TRAPPC12: variants seen among roughly 807,000 people sequenced by gnomAD.
TRAPPC12 encodes the protein TPR repeat protein 15.
A neutral mutation model predicts 69.2 loss-of-function variants in TRAPPC12; 61 were observed. That is an observed-to-expected ratio of 0.88 (90% CI 0.72 to 1.09). The LOEUF (loss-of-function observed/expected upper bound fraction) is 1.09. Ranked by LOEUF, TRAPPC12 falls within the 50% of genes least tolerant of loss-of-function variation. TRAPPC12 has a pLI of 0.00. For synonymous variants in TRAPPC12, 469 were observed against 438.9 expected, an observed-to-expected ratio of 1.07 and a Z score of -0.86; for missense variants, 1,101 against 1,016.4, an observed-to-expected ratio of 1.08 and a Z score of -1.13.
chr2:3,469,399 G>T (rs1665964697), intron 9 of TRAPPC12, among the ~76,000 whole-genome samples: 1 of 152,236 alleles, frequency 6.6e-6, no homozygotes, highest in African/African-American at 2.4e-5. Context: ...AAATAATACT[G>T]CAGGTGCTTA....
rs750614013 is a variant in TRAPPC12 at position 3,428,809 on chromosome 2, G to A, written c.1417+4146G>A. On this transcript the variant is annotated intron_variant, in intron 5 of 11. Coordinates refer to ENST00000324266, the MANE Select transcript of TRAPPC12 (RefSeq NM_016030.6). Reference sequence around the variant, plus strand: ...GGGGCCGACCCAGCCCCGCGCCCCCGGAGCTGAGGTCTGTGCGGTTCTGGG... The same window carrying A: ...GGGGCCGACCCAGCCCCGCGCCCCCAGAGCTGAGGTCTGTGCGGTTCTGGG... Among the ~76,000 whole-genome samples the A allele has an allele frequency of 3.3e-4, 50 of 152,234 alleles. 1 individual carries two copies. Among genetic ancestry groups the A allele is most frequent in the Admixed American group, 1.6e-3 (25 of 15,304 alleles).
intron 5 of TRAPPC12, among the ~76,000 whole-genome samples, chr2:3,437,014 A>C (rs1385826514): frequency 3.5e-5 from 1 of 28,552 alleles, no homozygotes. Flanking sequence ...CTGGATTAAT[A>C]CCCCATCACC....
At chr2:3,434,454 T>C (rs1401741703) in intron 5 of TRAPPC12, among the ~76,000 whole-genome samples, 2 of 152,264 alleles carry the variant, frequency 1.3e-5, no homozygotes, top group African/African-American at 4.8e-5. Flanking sequence ...ATTTTTAACC[T>C]GTGCAAGACT....
chr2:3,449,206 G>C (rs1284874278), intron 6 of TRAPPC12: 2 of 152,360 alleles, frequency 1.3e-5, no homozygotes, highest in African/African-American at 4.8e-5. Flanking sequence ...CTCTGGGGTC[G>C]AGAGAGCTTC....
chr2:3,469,956 T>C (rs12993215), intron 9 of TRAPPC12, among the ~76,000 whole-genome samples: 62,843 of 152,124 alleles, frequency 0.41, 13,228 homozygotes, highest in African/African-American at 0.48. Flanking sequence ...CTTATGTGCA[T>C]GGAGATACAA....
At chr2:3,416,458 TC>T (rs1379786731) in intron 3 of TRAPPC12, among the ~76,000 whole-genome samples, 3 of 151,882 alleles carry the variant, frequency 2.0e-5, no homozygotes, top group Non-Finnish European at 4.4e-5. Flanking sequence ...CCAGGCCACT[TC>T]CTAGGCACAC....
Position 3,388,032 on chromosome 2 carries a change from C to G in TRAPPC12, c.409C>G (p.Arg137Gly). The G allele has an allele frequency of 6.8e-7, 1 of 1,480,472 alleles. No individual in the cohort carries two copies. The highest frequency in any genetic ancestry group is 8.9e-7 in the Non-Finnish European group (1 of 1,121,990). 91.7% of individuals were successfully genotyped at this position (1,480,472 alleles called of 1,614,324 possible). ...AGGGGCCCCGAGGCAGGACGCGGCCCGCGAGGTCCCAGGCAGCGAAGCCGC... is the reference window on the plus strand; with the variant it reads ...AGGGGCCCCGAGGCAGGACGCGGCCGGCGAGGTCCCAGGCAGCGAAGCCGC... ...SGGAPRQDAA[R>G]EVPGSEAARP... is the part of the protein sequence containing the mutation. Residue 137 changes from arginine to glycine, a missense_variant, in exon 2 of 12, where the codon CGC (arginine) becomes GGC (glycine). Arg to Gly is a moderately radical substitution (Grantham distance 125). Coordinates refer to ENST00000324266, the MANE Select transcript of TRAPPC12 (RefSeq NM_016030.6).
rs116028543 is a variant in TRAPPC12 at position 3,461,998 on chromosome 2, G to C, written c.1677+1662G>C. Among the ~76,000 whole-genome samples, 497 of 152,360 alleles carry C rather than the reference G, an allele frequency of 3.3e-3. 1 individual carries two copies. Among genetic ancestry groups the C allele is most frequent in the African/African-American group, 9.7e-3 (403 of 41,584 alleles). ...TCCGCAGTAGGCCTCCACCTGCTGAGGGCATTGTCAGCGTCACCTGAAAGT... is the reference window on the plus strand; with the variant it reads ...TCCGCAGTAGGCCTCCACCTGCTGACGGCATTGTCAGCGTCACCTGAAAGT... On this transcript the variant is annotated intron_variant, in intron 8 of 11. Coordinates refer to ENST00000324266, the MANE Select transcript of TRAPPC12 (RefSeq NM_016030.6).
chr2:3,419,567 C>G (rs1662657401), intron 3 of TRAPPC12, among the ~76,000 whole-genome samples: 2 of 150,832 alleles, frequency 1.3e-5, no homozygotes, highest in African/African-American at 4.9e-5. Flanking sequence ...TGACTTGGTC[C>G]AGTGGCCGCA....
At chr2:3,386,131 G>C (rs578032857) in intron 1 of TRAPPC12, among the ~76,000 whole-genome samples, 1 of 152,282 alleles carries the variant, frequency 6.6e-6, no homozygotes, top group Admixed American at 6.5e-5. Context: ...GTTTTGGGAA[G>C]GCTGACTCAT....
intron 6 of TRAPPC12, among the ~76,000 whole-genome samples, chr2:3,448,905 T>C (rs751055013): frequency 6.6e-5 from 10 of 152,252 alleles, no homozygotes; most frequent in Admixed American, 2.0e-4. Flanking sequence ...CAAAGACTGA[T>C]TCGAGTCTGT....
At chr2:3,393,691 A>T (rs927903660) in intron 2 of TRAPPC12, among the ~76,000 whole-genome samples, 9 of 58,386 alleles carry the variant, frequency 1.5e-4, no homozygotes, top group African/African-American at 2.3e-4. Flanking sequence ...CCCACATTTA[A>T]AAAAAAAAAA....
chr2:3,408,306 G>A (rs1394165506), intron 3 of TRAPPC12, among the ~76,000 whole-genome samples: 5 of 152,330 alleles, frequency 3.3e-5, no homozygotes, highest in East Asian at 3.9e-4. Flanking sequence ...TGATTCGAAC[G>A]TGAATTGTCT....
intron 5 of TRAPPC12, among the ~76,000 whole-genome samples, chr2:3,435,770 A>G (rs1002913412): frequency 6.6e-6 from 1 of 152,202 alleles, no homozygotes; most frequent in Non-Finnish European, 1.5e-5. Flanking sequence ...TTAAAAGGGT[A>G]GAAGTAGCAA....
intron 11 of TRAPPC12, 115 bp from the exon 12 acceptor site, chr2:3,479,104 G>A: frequency 6.5e-7 from 1 of 1,538,480 alleles, no homozygotes; most frequent in Non-Finnish European, 8.8e-7. Context: ...CCTAGGCTCT[G>A]CCCAGCAGCT....
chr2:3,421,304 C>T (rs140322355), intron 3 of TRAPPC12, among the ~76,000 whole-genome samples: 8 of 152,244 alleles, frequency 5.3e-5, no homozygotes, highest in Non-Finnish European at 7.4e-5. Flanking sequence ...ATGTTGAAGC[C>T]GTAACGTTAA....
rs1163793114 is a variant in TRAPPC12 at position 3,387,674 on chromosome 2, C to G, written c.51C>G (p.His17Gln). The G allele has an allele frequency of 6.4e-7, 1 of 1,556,288 alleles. No individual in the cohort carries two copies. Among genetic ancestry groups the G allele is most frequent in the Non-Finnish European group, 8.7e-7 (1 of 1,150,020 alleles). The change falls in exon 2 of 12, where the codon CAC (histidine) becomes CAG (glutamine). Residue 17 changes from histidine (H) to glutamine (Q), a missense_variant. Coordinates refer to ENST00000324266, the MANE Select transcript of TRAPPC12 (RefSeq NM_016030.6). ...GEETPAPEAP[H>Q]PPQLAPPEEQ... ...AGACCCCGGCCCCGGAGGCCCCGCA[C>G]CCCCCTCAGCTCGCGCCTCCGGAGG... is the stretch of plus-strand genomic sequence containing the variant.
chr2:3,458,680 T>C (rs934632534), intron 7 of TRAPPC12, among the ~76,000 whole-genome samples: 4 of 152,198 alleles, frequency 2.6e-5, no homozygotes, highest in Admixed American at 6.5e-5. Flanking sequence ...CTCATGGATG[T>C]CCCATTCAGC....
At position 3,389,237 on chromosome 2, in the gene TRAPPC12, C is replaced by A. The variant is rs1295448646; in HGVS notation, c.1047+567C>A. ...GAGACCTCCGTGGTCGGCGATGCCC[C>A]TGCCCAGGCCTCTCTCGGCCCAGGT... is the stretch of plus-strand genomic sequence containing the variant. On this transcript the variant is annotated intron_variant, in intron 2 of 11. Coordinates refer to ENST00000324266, the MANE Select transcript of TRAPPC12 (RefSeq NM_016030.6). Among the ~76,000 whole-genome samples, 3 of 152,380 alleles carry A rather than the reference C, an allele frequency of 2.0e-5. No individual in the cohort carries two copies. The East Asian group carries it at 5.8e-4, about 29-fold the overall frequency.
Sources: gnomAD v4.1 joint callset for allele counts (sites outside exome capture counted in the v4.1 genomes callset) on GRCh38, gnomAD v4.1.1 for gene constraint, MANE v1.5 for transcripts, NCBI Gene and HGNC (gene_info 2026-07-23, HGNC 2026-07-21) for gene names.